The following RNF169 variants were observed in gnomAD, a reference collection of about 807,000 sequenced individuals.
The protein encoded by RNF169 is E3 ubiquitin-protein ligase RNF169.
A neutral mutation model predicts 53.9 loss-of-function variants in RNF169; 24 were observed. The observed-to-expected ratio is 0.45, with a 90% confidence interval of 0.32 to 0.63. The LOEUF is 0.63. Among genes scored for constraint, RNF169 ranks in the 20% least tolerant of loss-of-function variants. The pLI, the probability that RNF169 is intolerant of heterozygous loss-of-function variation, is 0.04. For synonymous variants in RNF169, 396 were observed against 363.5 expected (o/e 1.09, Z -1.02); for missense variants, 883 against 906.2 (o/e 0.97, Z 0.33).
chr11:74,767,067 T>C (rs554755081), intron 1 of RNF169, among the ~76,000 whole-genome samples: 1 of 152,286 alleles, frequency 6.6e-6, no homozygotes, highest in East Asian at 1.9e-4. Flanking sequence ...TCTTAACTTC[T>C]GACCTCAAGC....
At chr11:74,812,833 T>C (rs552242119) in intron 3 of RNF169, among the ~76,000 whole-genome samples, 5 of 152,294 alleles carry the variant, frequency 3.3e-5, no homozygotes, top group Admixed American at 6.5e-5. Context: ...CCTCTTTTCT[T>C]GTGAAATTAA....
intron 3 of RNF169, among the ~76,000 whole-genome samples, chr11:74,812,533 T>C (rs777709153): frequency 2.0e-4 from 30 of 152,178 alleles, no homozygotes; most frequent in Non-Finnish European, 4.4e-4. Flanking sequence ...CTCAAACTCC[T>C]GGGCTCAAGG....
intron 1 of RNF169, among the ~76,000 whole-genome samples, chr11:74,765,950 CAAAA>C (rs2035168019): frequency 6.6e-6 from 1 of 151,080 alleles, no homozygotes; most frequent in Admixed American, 6.6e-5. Context: ...GAATAGAAAA[CAAAA>C]GAATTAGCAA....
chr11:74,836,354 G>A lies in RNF169; in HGVS notation c.1751G>A (p.Gly584Asp). Residue 584 changes from glycine (G) to aspartate (D), a missense_variant, in exon 6 of 6, where the codon GGT becomes GAT. Physicochemically the swap from Gly to Asp is moderately conservative, Grantham distance 94. Around this residue, in one of 3 missense-constraint regions of RNF169, gnomAD observed 351 missense variants for 337.3 expected, o/e 1.04. Coordinates refer to ENST00000299563, the MANE Select transcript of RNF169 (RefSeq NM_001098638.2). ...GTGCTACCCCAAAACAGTGTTTTGG[G>A]TGGAGTCCTCAAAACAAAGCAACAA... is the stretch of plus-strand genomic sequence containing the variant. The part of the protein sequence containing the change: ...NSVLPQNSVL[G>D]GVLKTKQQLK... 2 of 1,614,184 alleles carry A rather than the reference G, an allele frequency of 1.2e-6. No homozygotes were observed. The highest frequency in any genetic ancestry group is 8.5e-7 in the Non-Finnish European group (1 of 1,180,030).
chr11:74,804,129 C>T (rs116749406), intron 2 of RNF169, among the ~76,000 whole-genome samples: 2,612 of 152,190 alleles, frequency 0.017, 70 homozygotes, highest in African/African-American at 0.058. Context: ...GGTTTCCTCC[C>T]GCATCTCAAA....
intron 1 of RNF169, among the ~76,000 whole-genome samples, chr11:74,772,017 A>C (rs918428954): frequency 2.6e-5 from 4 of 152,254 alleles, no homozygotes; most frequent in African/African-American, 4.8e-5. Context: ...ATGGTCCCCA[A>C]CATTTCAGAT....
At chr11:74,793,483 C>T (rs987915080) in intron 2 of RNF169, among the ~76,000 whole-genome samples, 3 of 152,094 alleles carry the variant, frequency 2.0e-5, no homozygotes, top group African/African-American at 7.2e-5. Context: ...AATTTTTATT[C>T]CTCTAATTCT....
At chr11:74,806,025 G>GTA (rs1029909505) in intron 2 of RNF169, among the ~76,000 whole-genome samples, 11 of 151,880 alleles carry the variant, frequency 7.2e-5, no homozygotes, top group African/African-American at 1.7e-4. Context: ...AAGTATACAT[G>GTA]TATATATATA....
At chr11:74,809,186 AT>A (rs2035842401) in intron 2 of RNF169, among the ~76,000 whole-genome samples, 1 of 151,962 alleles carries the variant, frequency 6.6e-6, no homozygotes. Context: ...CTTTAGCTTA[AT>A]TTTTTTCTTA....
intron 1 of RNF169, among the ~76,000 whole-genome samples, chr11:74,766,168 T>C (rs1254279783): frequency 2.0e-5 from 3 of 152,138 alleles, no homozygotes; most frequent in Non-Finnish European, 4.4e-5. Context: ...TGTGGAAAAG[T>C]GTAACATGGC....
At chr11:74,830,287 G>A (rs1198026007) in intron 4 of RNF169, among the ~76,000 whole-genome samples, 1 of 151,694 alleles carries the variant, frequency 6.6e-6, no homozygotes, top group Non-Finnish European at 1.5e-5. Flanking sequence ...TTAACGACTG[G>A]TCAAGAAAAA....
At chr11:74,793,185 T>G (rs2035603159) in intron 2 of RNF169, among the ~76,000 whole-genome samples, 2 of 152,222 alleles carry the variant, frequency 1.3e-5, no homozygotes, top group African/African-American at 4.8e-5. Flanking sequence ...CAAATAGTAG[T>G]GACAGATAGT....
intron 1 of RNF169, among the ~76,000 whole-genome samples, chr11:74,761,600 G>T (rs1339324372): frequency 5.3e-5 from 8 of 152,030 alleles, no homozygotes; most frequent in Non-Finnish European, 1.0e-4. Context: ...TGAAATTCTG[G>T]GTTGAAAATT....
intron 1 of RNF169, among the ~76,000 whole-genome samples, chr11:74,784,668 G>A (rs190812008): frequency 6.6e-6 from 1 of 152,332 alleles, no homozygotes; most frequent in East Asian, 1.9e-4. Context: ...CCTAGCATGT[G>A]CTAGAATTTC....
intron 3 of RNF169, among the ~76,000 whole-genome samples, chr11:74,812,474 T>C (rs748127187): frequency 2.0e-5 from 3 of 152,046 alleles, no homozygotes; most frequent in Admixed American, 6.5e-5. Context: ...TTTATTTTAC[T>C]TTTTTTATTT....
chr11:74,771,594 C>T (rs1211917563), intron 1 of RNF169, among the ~76,000 whole-genome samples: 1 of 152,146 alleles, frequency 6.6e-6, no homozygotes, highest in Non-Finnish European at 1.5e-5. Flanking sequence ...GTCCCAGCTA[C>T]TCAGGAGGCT....
chr11:74,817,509 A>G, intron 3 of RNF169, 87 bp from the exon 4 acceptor site: 1 of 794,888 alleles, frequency 1.3e-6, no homozygotes, highest in Non-Finnish European at 2.1e-6. Flanking sequence ...GAGAAGCGAC[A>G]TAGAGAAAGA....
chr11:74,829,618 T>TA (rs1250212359), intron 4 of RNF169, among the ~76,000 whole-genome samples: 3 of 152,086 alleles, frequency 2.0e-5, no homozygotes, highest in Non-Finnish European at 4.4e-5. Flanking sequence ...ATAGACCGAA[T>TA]AAAGAAAATG....
chr11:74,748,903 C>T lies in RNF169; in HGVS notation c.23C>T (p.Thr8Ile). The T allele has an allele frequency of 6.9e-7, 1 of 1,444,034 alleles. No individual in the cohort carries two copies. The highest frequency in any genetic ancestry group is 9.2e-7 in the Non-Finnish European group (1 of 1,087,814). The allele number at this position is 1,444,034 out of a possible 1,614,324, so 89.5% of individuals were successfully genotyped here. MAAAGPS[T>I]RASSAAAAAA... ...AAGATGGCGGCTGCAGGTCCGAGTA[C>T]TCGGGCCTCTTCCGCGGCGGCAGCA... is the stretch of plus-strand genomic sequence containing the variant. Residue 8 changes from threonine (T) to isoleucine (I), a missense_variant, in exon 1 of 6, where the codon ACT (threonine) becomes ATT (isoleucine). Physicochemically the swap from Thr to Ile is moderately conservative, Grantham distance 89. Coordinates refer to ENST00000299563, the MANE Select transcript of RNF169 (RefSeq NM_001098638.2).
Sources: gnomAD v4.1 joint callset for allele counts (sites outside exome capture counted in the v4.1 genomes callset) on GRCh38, gnomAD v4.1.1 for gene constraint, gnomAD v4.1.1 regional missense constraint, MANE v1.5 for transcripts, NCBI Gene and HGNC (gene_info 2026-07-23, HGNC 2026-07-21) for gene names.